USO1: variants seen among roughly 807,000 people sequenced by gnomAD.
USO1 encodes the protein general vesicular transport factor p115.
Under a neutral mutation model 124.5 loss-of-function variants are expected in USO1, and 57 were observed. The ratio of observed to expected loss-of-function variants is 0.46; its 90% confidence interval spans 0.37 to 0.57. The LOEUF (loss-of-function observed/expected upper bound fraction) is 0.57. Among genes scored for constraint, USO1 ranks in the 20% least tolerant of loss-of-function variants. The pLI is 0.00. For missense variants in USO1, 900 were observed against 1,040.6 expected (o/e 0.86, Z 1.86); for synonymous variants, 369 against 362.8 (o/e 1.02, Z -0.19).
rs751459827 is a variant in USO1 at position 75,782,750 on chromosome 4, T to G, written c.747T>G (p.Phe249Leu). ...LLKNNNSNQN[F>L]FKEGSYIQRM... ...AAAACAACAACTCCAATCAAAATTT[T>G]TTTAAAGAAGGCTCATATATTCAAC... Residue 249 changes from phenylalanine to leucine, a missense_variant, in exon 9 of 24, where the codon TTT (phenylalanine) becomes TTG (leucine). Transcript: ENST00000514213. 1 of 1,586,336 alleles carries G rather than the reference T, an allele frequency of 6.3e-7. No individual in the cohort carries two copies. The highest frequency in any genetic ancestry group is 1.8e-5 in the Admixed American group (1 of 54,142).
At position 75,805,217 on chromosome 4, in the gene USO1, T is replaced by C; in HGVS notation, c.2203T>C (p.Leu735=). Residue 735 remains leucine, a synonymous_variant, in exon 19 of 24, where the codon TTG becomes CTG. Transcript: ENST00000514213. ...NGIQPEEIGR[L]REEIEELKRN... is the part of the protein sequence containing the mutation. ...CATTCAGCCAGAAGAAATTGGTAGA[T>C]TGCGAGAAGAGATAGAAGAATTAAA... 1.2e-6 allele frequency: 2 copies of C among 1,613,354 alleles called. No individual in the cohort carries two copies. Among genetic ancestry groups the C allele is most frequent in the South Asian group, 2.2e-5 (2 of 90,938 alleles).
At chr4:75,725,124 AG>A (rs1720373317) in intron 1 of USO1, among the ~76,000 whole-genome samples, 1 of 152,184 alleles carries the variant, frequency 6.6e-6, no homozygotes, top group Non-Finnish European at 1.5e-5. Flanking sequence ...GCAGCTCTGT[AG>A]GCCCTGAAGC....
intron 1 of USO1, among the ~76,000 whole-genome samples, chr4:75,737,724 T>C (rs1317932302): frequency 6.6e-6 from 1 of 152,110 alleles, no homozygotes; most frequent in Non-Finnish European, 1.5e-5. Context: ...GAAGAAAACA[T>C]AGAAATCTGG....
At position 75,790,141 on chromosome 4, in the gene USO1, C is replaced by G; in HGVS notation, c.997-9C>G. Reference sequence around the variant, plus strand: ...TCTAAATGTTCTTTTTCTTTCTTCCCCTTAACAGACCATAAATACTGTATC... The same window carrying G: ...TCTAAATGTTCTTTTTCTTTCTTCCGCTTAACAGACCATAAATACTGTATC... On this transcript the variant is annotated splice_polypyrimidine_tract_variant and intron_variant, in intron 10 of 23. Transcript: ENST00000514213. The G allele has an allele frequency of 6.3e-7, 1 of 1,584,916 alleles. No homozygotes were observed. The highest frequency in any genetic ancestry group is 1.2e-5 in the South Asian group (1 of 84,480).
chr4:75,735,185 C>G (rs1047465636), intron 1 of USO1, among the ~76,000 whole-genome samples: 5 of 151,980 alleles, frequency 3.3e-5, no homozygotes, highest in East Asian at 3.9e-4. Flanking sequence ...GTGTGTGTGT[C>G]TGTCTGTCTG....
Position 75,724,675 on chromosome 4 carries a change from G to A in USO1, c.-145G>A. ...CGGCTGTTTCCGGGCTTAGAGGGCT[G>A]GAGTGGCCGCCGAGTTGGAGGCGGT... is the stretch of plus-strand genomic sequence containing the variant. On this transcript the variant is annotated 5_prime_UTR_variant, in exon 1 of 24. Transcript: ENST00000514213. 6.6e-6 allele frequency: 5 copies of A among 759,388 alleles called. No homozygotes were observed. Among genetic ancestry groups the A allele is most frequent in the Non-Finnish European group, 8.5e-6 (4 of 469,740 alleles). The allele number at this position is 759,388 out of a possible 1,614,324, so 47.0% of individuals were successfully genotyped here.
At chr4:75,745,360 T>C (rs779129073) in intron 1 of USO1, 1 of 519,998 alleles carries the variant, frequency 1.9e-6, no homozygotes, top group Admixed American at 1.9e-5. Context: ...TAGACAGTTG[T>C]GCAAGTGGAG....
At chr4:75,756,881 AAC>A (rs1288988066) in intron 3 of USO1, among the ~76,000 whole-genome samples, 2 of 152,032 alleles carry the variant, frequency 1.3e-5, no homozygotes, top group African/African-American at 2.4e-5. Flanking sequence ...AACTAGAGAT[AAC>A]AGTTACTTTT....
chr4:75,726,236 G>T (rs1720448343), intron 1 of USO1, among the ~76,000 whole-genome samples: 1 of 146,492 alleles, frequency 6.8e-6, no homozygotes, highest in Admixed American at 6.9e-5. Context: ...AGCAGAGATC[G>T]TGCCATTGCA....
intron 1 of USO1, among the ~76,000 whole-genome samples, chr4:75,750,904 A>G (rs1026479608): frequency 2.0e-5 from 3 of 152,130 alleles, no homozygotes; most frequent in Non-Finnish European, 4.4e-5. Context: ...TTCTTTTTTA[A>G]TGTAATTTTA....
chr4:75,730,625 C>T (rs186454621), intron 1 of USO1, among the ~76,000 whole-genome samples: 2 of 152,034 alleles, frequency 1.3e-5, no homozygotes, highest in African/African-American at 4.8e-5. Context: ...TCCTTATATA[C>T]ATTTGTTGAT....
At chr4:75,795,361 GTA>G (rs1722648850) in intron 13 of USO1, 3 of 701,968 alleles carry the variant, frequency 4.3e-6, no homozygotes, top group Non-Finnish European at 7.8e-6. Flanking sequence ...AGACGGGTAT[GTA>G]TCACTTGATT....
Position 75,782,675 on chromosome 4 carries a change from C to T in USO1, c.677-5C>T. The T allele has an allele frequency of 3.3e-6, 5 of 1,537,780 alleles. No homozygotes were observed. The highest frequency in any genetic ancestry group is 4.8e-5 in the East Asian group (2 of 41,526). ...TAACGCTTGTGTTTTACATTATTTC[C>T]CCAGGTATAGTAGTTGAAGATTGTT... On this transcript the variant is annotated splice_region_variant and splice_polypyrimidine_tract_variant and intron_variant, in intron 8 of 23. Transcript: ENST00000514213.
intron 17 of USO1, among the ~76,000 whole-genome samples, chr4:75,802,736 C>CTTTTTTTTTT (rs997798305): frequency 3.4e-3 from 217 of 63,692 alleles, no homozygotes; most frequent in East Asian, 6.8e-3. Context: ...TTTTTCTTTT[C>CTTTTTTTTTT]TTTTTTTTTT....
chr4:75,747,602 C>CTTTTTTTTTTT (rs59636038), intron 1 of USO1, among the ~76,000 whole-genome samples: 1 of 83,684 alleles, frequency 1.2e-5, no homozygotes, highest in Non-Finnish European at 2.2e-5. Context: ...TCACCTTTGA[C>CTTTTTTTTTTT]TTTTTTTTTT....
At chr4:75,770,191 A>ATATC (rs1721881425) in intron 4 of USO1, 1 of 239,480 alleles carries the variant, frequency 4.2e-6, no homozygotes. Context: ...AGAAAATATG[A>ATATC]GTATTTAAGT....
intron 1 of USO1, among the ~76,000 whole-genome samples, chr4:75,729,322 T>C (rs192099011): frequency 6.6e-6 from 1 of 152,068 alleles, no homozygotes; most frequent in East Asian, 1.9e-4. Context: ...TATATCTGCC[T>C]TCTATCTAGC....
intron 12 of USO1, among the ~76,000 whole-genome samples, chr4:75,791,755 A>C (rs1013961614): frequency 4.6e-5 from 7 of 152,142 alleles, no homozygotes; most frequent in Admixed American, 1.3e-4. Context: ...AATTACATAC[A>C]TTGAGGTTTT....
At position 75,810,281 on chromosome 4, in the gene USO1, A is replaced by G. The variant is rs187211633; in HGVS notation, c.2476-151A>G. On this transcript the variant is annotated intron_variant, in intron 21 of 23. Transcript: ENST00000514213. ...GGGAACAGCTCATCTGACAGTGGAG[A>G]GCACTTTGTTGCACATAAATACATA... The G allele has an allele frequency of 2.6e-3, 2,093 of 806,738 alleles. 4 individuals are homozygous for G. Among genetic ancestry groups the G allele is most frequent in the Non-Finnish European group, 3.1e-3 (1,725 of 552,658 alleles). The allele number at this position is 806,738 out of a possible 1,614,324, so 50.0% of individuals were successfully genotyped here. A position where few individuals can be genotyped will look rare whatever the true frequency, so the allele number is the denominator to read the frequency against.
Sources: gnomAD v4.1 joint callset for allele counts (sites outside exome capture counted in the v4.1 genomes callset) on GRCh38, gnomAD v4.1.1 for gene constraint, MANE v1.5 for transcripts, NCBI Gene and HGNC (gene_info 2026-07-23, HGNC 2026-07-21) for gene names.